PTTG1IP: variants seen among roughly 807,000 people sequenced by gnomAD.
PTTG1IP encodes the protein PTTG1 interacting protein, also known as pituitary tumor-transforming gene 1 protein-interacting protein.
In PTTG1IP, 16 loss-of-function variants were observed where a neutral mutation model predicts 24.4. The observed-to-expected ratio is 0.66, with a 90% CI of 0.44 to 1.00. PTTG1IP has a LOEUF of 1.00. PTTG1IP is among the 50% of genes least tolerant of loss of function. The pLI is 0.00. For missense variants in PTTG1IP, 241 were observed against 245.8 expected (o/e 0.98, Z 0.13); for synonymous variants, 89 against 96.8 (o/e 0.92, Z 0.47).
In PTTG1IP at chr21:44,861,229, C is replaced by T. The variant is rs1341953457; in HGVS notation, c.211G>A (p.Val71Ile). Residue 71 changes from valine (V) to isoleucine (I), a missense_variant, in exon 3 of 6, where the codon GTT becomes ATT. Physicochemically the swap from Val to Ile is conservative, Grantham distance 29 (BLOSUM62 3). Coordinates refer to ENST00000330938, the MANE Select transcript of PTTG1IP (RefSeq NM_004339.4). ...GAAGCCGGTGGCAAGACGCTTGTAA[C>T]TGGGTAGTCCAGACAAGCCTTGTTA... is the stretch of plus-strand genomic sequence containing the variant. ...NTNKACLDYP[V>I]TSVLPPASLC... The T allele has an allele frequency of 6.2e-7, 1 of 1,614,148 alleles. No individual in the cohort carries two copies. Among genetic ancestry groups the T allele is most frequent in the Non-Finnish European group, 8.5e-7 (1 of 1,179,982 alleles).
chr21:44,866,635 AACACACAC>A (rs149247797), intron 1 of PTTG1IP, among the ~76,000 whole-genome samples: 2 of 109,922 alleles, frequency 1.8e-5, no homozygotes, highest in African/African-American at 3.5e-5. Context: ...CCAATCCCGT[AACACACAC>A]ACACACACAC....
At chr21:44,860,993 G>C (rs185324177) in intron 3 of PTTG1IP, among the ~76,000 whole-genome samples, 170 bp downstream of exon 3, 1 of 151,886 alleles carries the variant, frequency 6.6e-6, no homozygotes, top group Non-Finnish European at 1.5e-5. Context: ...TAATAGAGAC[G>C]GGGCTTCACC....
At chr21:44,873,426 C>T in intron 1 of PTTG1IP, 76 bp downstream of exon 1, 2 of 1,214,608 alleles carry the variant, frequency 1.6e-6, no homozygotes, top group Non-Finnish European at 2.1e-6. Context: ...CTGGCCGAAA[C>T]CCCGACCCCG....
At chr21:44,855,087 C>T (rs2083438586) in intron 5 of PTTG1IP, 123 bp downstream of exon 5, 6 of 1,008,696 alleles carry the variant, frequency 5.9e-6, no homozygotes, top group East Asian at 2.6e-5. Flanking sequence ...TCTGGAGAGA[C>T]GTCCTTCTGT....
At position 44,851,553 on chromosome 21, in the gene PTTG1IP, A is replaced by C. The variant is rs904231574; in HGVS notation, c.*28T>G. The C allele has an allele frequency of 1.9e-6, 3 of 1,613,182 alleles. No individual in the cohort carries two copies. Among genetic ancestry groups the C allele is most frequent in the African/African-American group, 1.3e-5 (1 of 74,940 alleles). On this transcript the variant is annotated 3_prime_UTR_variant, in exon 6 of 6. Transcript: ENST00000330938. ...GCTGCGGAGCGTGCACCTCACAGGA[A>C]GCGTCGGGACTGATGTGCTGGAGCG...
Position 44,851,322 on chromosome 21 carries a change from A to C in PTTG1IP, c.*259T>G, listed in dbSNP as rs900714618. ...GCGTTTCACAAACTGAGAAGAGTAT[A>C]AAAAAGCCCAAACCCCAAAGATTTC... is the stretch of plus-strand genomic sequence containing the variant. On this transcript the variant is annotated 3_prime_UTR_variant, in exon 6 of 6. Transcript: ENST00000330938. 6.7e-7 allele frequency: 1 copy of C among 1,488,332 alleles called. No homozygotes were observed. Among genetic ancestry groups the C allele is most frequent in the Non-Finnish European group, 9.0e-7 (1 of 1,116,446 alleles). 92.2% of individuals were successfully genotyped at this position (1,488,332 alleles called of 1,614,324 possible). A position where few individuals can be genotyped will look rare whatever the true frequency, so the allele number is the denominator to read the frequency against.
intron 1 of PTTG1IP, among the ~76,000 whole-genome samples, chr21:44,868,337 A>G (rs115691338): frequency 1.7e-3 from 266 of 152,114 alleles, no homozygotes; most frequent in African/African-American, 5.3e-3. Context: ...TTAAAATTCA[A>G]CTCCTAGCTC....
At chr21:44,873,473 C>G in intron 1 of PTTG1IP, 29 bp downstream of exon 1, 1 of 1,356,074 alleles carries the variant, frequency 7.4e-7, no homozygotes, top group South Asian at 1.7e-5. Context: ...CCGCCCCCTT[C>G]GCGGCCCCGC....
rs552141424 is a variant in PTTG1IP at position 44,860,048 on chromosome 21, C to A, written c.277+1115G>T. On this transcript the variant is annotated intron_variant, in intron 3 of 5. Coordinates refer to ENST00000330938, the MANE Select transcript of PTTG1IP (RefSeq NM_004339.4). ...CTACATAATAATGAGTTCTAGGTTA[C>A]AAAACACACCACAAACTGATTTAAA... Among the ~76,000 whole-genome samples the A allele has an allele frequency of 8.5e-5, 13 of 152,278 alleles. 1 individual carries two copies. The South Asian group carries it at 2.7e-3, about 32-fold the overall frequency.
intron 3 of PTTG1IP, among the ~76,000 whole-genome samples, chr21:44,859,846 T>C (rs550067781): frequency 1.7e-4 from 26 of 152,256 alleles, no homozygotes; most frequent in Admixed American, 7.8e-4. Context: ...CTGATAGATT[T>C]TGAAATGGAA....
chr21:44,854,891 C>T (rs946847069), intron 5 of PTTG1IP, among the ~76,000 whole-genome samples: 4 of 152,206 alleles, frequency 2.6e-5, no homozygotes, highest in East Asian at 3.9e-4. Context: ...GCTACGCAGG[C>T]GTGCCCACAG....
Position 44,856,344 on chromosome 21 carries a change from T to G in PTTG1IP, c.298A>C (p.Ile100Leu), listed in dbSNP as rs2083449786. The G allele has an allele frequency of 1.2e-6, 2 of 1,613,334 alleles. No homozygotes were observed. The highest frequency in any genetic ancestry group is 2.7e-5 in the African/African-American group (2 of 75,034). Residue 100 changes from isoleucine (I) to leucine (L), a missense_variant, in exon 4 of 6, where the codon ATC becomes CTC. Physicochemically the swap from Ile to Leu is conservative, Grantham distance 5 (BLOSUM62 2). Coordinates refer to ENST00000330938, the MANE Select transcript of PTTG1IP (RefSeq NM_004339.4). ...GTTCCCCCGACTACCGACATGGTGA[T>G]GATCAGCGCCTCAAAGTTCACTGGA... ...VCWVNFEALI[I>L]TMSVVGGTLL...
rs1432791669 is a variant in PTTG1IP at position 44,866,591 on chromosome 21, A to AACAC, written c.116-1148_116-1145dup. ...AGACTGCCTACTCCCCCAATCCCAT[A>AACAC]ACACACATACACACACACAGACTGC... On this transcript the variant is annotated intron_variant, in intron 1 of 5. Transcript: ENST00000330938. 3.6e-5 allele frequency among the ~76,000 whole-genome samples: 4 copies of AACAC among 109,640 alleles called. 1 individual carries two copies. The Admixed American group carries it at 3.8e-4, about 10-fold the overall frequency. The allele number at this position is 109,640 out of a possible 152,430, so 71.9% of individuals were successfully genotyped here.
At chr21:44,871,621 T>G (rs2083586397) in intron 1 of PTTG1IP, among the ~76,000 whole-genome samples, 1 of 152,160 alleles carries the variant, frequency 6.6e-6, no homozygotes, top group African/African-American at 2.4e-5. Context: ...ACAAAACGTT[T>G]TAAACATCAG....
chr21:44,858,753 C>T (rs1328836444), intron 3 of PTTG1IP, among the ~76,000 whole-genome samples: 1 of 152,210 alleles, frequency 6.6e-6, no homozygotes, highest in African/African-American at 2.4e-5. Flanking sequence ...GTCAAAAACA[C>T]CCACCACTTG....
intron 3 of PTTG1IP, among the ~76,000 whole-genome samples, chr21:44,858,339 C>T (rs1388587375): frequency 2.6e-5 from 4 of 152,182 alleles, no homozygotes; most frequent in East Asian, 1.9e-4. Context: ...GTATCATGTG[C>T]GCCGCGGCAT....
rs748275406 is a variant in PTTG1IP, at chr21:44,849,787, C to T, written c.*1794G>A. 1.6e-4 allele frequency: 24 copies of T among 152,456 alleles called. No homozygotes were observed. Among genetic ancestry groups the T allele is most frequent in the Non-Finnish European group, 2.9e-4 (20 of 68,034 alleles). 9.4% of individuals were successfully genotyped at this position (152,456 alleles called of 1,614,324 possible). A position where few individuals can be genotyped will look rare whatever the true frequency, so the allele number is the denominator to read the frequency against. ...GGCTGACTACGCTGTATTTCACAAC[C>T]GAGCCCTAGCGCCAGCTCAGCACCC... On this transcript the variant is annotated 3_prime_UTR_variant, in exon 6 of 6. Coordinates refer to ENST00000330938, the MANE Select transcript of PTTG1IP (RefSeq NM_004339.4).
rs1244915642 is a variant in PTTG1IP, at chr21:44,856,378, C to A, written c.278-14G>T. 1.2e-6 allele frequency: 2 copies of A among 1,603,114 alleles called. No individual in the cohort carries two copies. Among genetic ancestry groups the A allele is most frequent in the Non-Finnish European group, 1.7e-6 (2 of 1,173,412 alleles). On this transcript the variant is annotated splice_polypyrimidine_tract_variant and intron_variant, in intron 3 of 5. Coordinates refer to ENST00000330938, the MANE Select transcript of PTTG1IP (RefSeq NM_004339.4). ...CCTCAAAGTTCACTGGAGATTCAAGCACCTGGAGTTAGGGCCGCCCCAGAC... is the reference window on the plus strand; with the variant it reads ...CCTCAAAGTTCACTGGAGATTCAAGAACCTGGAGTTAGGGCCGCCCCAGAC...
intron 3 of PTTG1IP, among the ~76,000 whole-genome samples, chr21:44,857,439 C>T (rs975729812): frequency 4.6e-5 from 7 of 152,190 alleles, no homozygotes; most frequent in Non-Finnish European, 7.3e-5. Flanking sequence ...GTGAGCCGTG[C>T]CTACACTATT....
Sources: gnomAD v4.1 joint callset for allele counts (sites outside exome capture counted in the v4.1 genomes callset) on GRCh38, gnomAD v4.1.1 for gene constraint, MANE v1.5 for transcripts, NCBI Gene and HGNC (gene_info 2026-07-23, HGNC 2026-07-21) for gene names.